Variants in PRKN observed in about 807,000 individuals in gnomAD.
PRKN encodes the protein parkin RBR E3 ubiquitin protein ligase.
A neutral mutation model predicts 59.5 loss-of-function variants in PRKN; 56 were observed. The observed-to-expected ratio is 0.94, with a 90% CI of 0.76 to 1.18. PRKN has a LOEUF of 1.18. PRKN is among the 50% of genes most tolerant of loss of function. The pLI, the probability that PRKN is intolerant of heterozygous loss-of-function variation, is 0.00. For synonymous variants in PRKN, 250 were observed against 222.1 expected (o/e 1.13, Z -1.12); for missense variants, 657 against 596.4 (o/e 1.10, Z -1.06).
At chr6:162,418,158 T>A (rs905778464) in intron 2 of PRKN, among the ~76,000 whole-genome samples, 22 of 152,110 alleles carry the variant, frequency 1.4e-4, no homozygotes, top group African/African-American at 5.1e-4. Context: ...ATACATACAA[T>A]GGAATATTAT....
At chr6:162,413,129 G>A (rs1360009120) in intron 2 of PRKN, among the ~76,000 whole-genome samples, 1 of 152,080 alleles carries the variant, frequency 6.6e-6, no homozygotes, top group Non-Finnish European at 1.5e-5. Flanking sequence ...AGACCAGTCT[G>A]GTCTGAAGCC....
At chr6:161,878,581 C>T (rs1020237797) in intron 6 of PRKN, among the ~76,000 whole-genome samples, 10 of 152,126 alleles carry the variant, frequency 6.6e-5, no homozygotes, top group East Asian at 3.9e-4. Flanking sequence ...GGGGCCATTA[C>T]GAAATGAAAA....
intron 2 of PRKN, among the ~76,000 whole-genome samples, chr6:162,309,414 C>T (rs1782375601): frequency 6.6e-6 from 1 of 152,168 alleles, no homozygotes; most frequent in Non-Finnish European, 1.5e-5. Context: ...ATCTGCATGC[C>T]TCAGCCTCCC....
At chr6:161,881,079 G>C (rs1247228638) in intron 6 of PRKN, among the ~76,000 whole-genome samples, 1 of 152,106 alleles carries the variant, frequency 6.6e-6, no homozygotes, top group South Asian at 2.1e-4. Context: ...GGGTAGAAAG[G>C]AGGGCCTCAC....
Position 161,943,534 on chromosome 6 carries a change from GTTTTTGGTAAGT to G in PRKN, c.734+29756_734+29767del, listed in dbSNP as rs1352029627. On this transcript the variant is annotated intron_variant, in intron 6 of 11. Transcript: ENST00000366898. Reference sequence around the variant, plus strand: ...AATGATTATTTTATGCTTTAAAGAAGTTTTTGGTAAGTGAATGTGGAAATCCTGAAATAAAGT... The same window carrying G: ...AATGATTATTTTATGCTTTAAAGAAGGAATGTGGAAATCCTGAAATAAAGT... Among the ~76,000 whole-genome samples, 4 of 152,340 alleles carry G rather than the reference GTTTTTGGTAAGT, an allele frequency of 2.6e-5. No individual in the cohort carries two copies. The South Asian group carries it at 8.3e-4, about 32-fold the overall frequency.
At chr6:161,509,484 C>T (rs559694222) in intron 9 of PRKN, among the ~76,000 whole-genome samples, 173 of 152,198 alleles carry the variant, frequency 1.1e-3, no homozygotes, top group Non-Finnish European at 2.0e-3. Context: ...TTGGAAGCAC[C>T]TGTGCTGTTT....
chr6:161,418,000 A>G lies in PRKN; in HGVS notation c.1084-31123T>C, dbSNP rs531385164. Among the ~76,000 whole-genome samples, 30 of 152,138 alleles carry G rather than the reference A, an allele frequency of 2.0e-4. No homozygotes were observed. Among genetic ancestry groups the G allele is most frequent in the African/African-American group, 7.2e-4 (30 of 41,488 alleles). On this transcript the variant is annotated intron_variant, in intron 9 of 11. Coordinates refer to ENST00000366898, the MANE Select transcript of PRKN (RefSeq NM_004562.3). This position sits in a 1 kb window ranked among gnomAD's most constrained non-coding sequence, Gnocchi z 5.4. ...TGGGCCTGGCCCCCAGGCCTGGCTG[A>G]CTCCATGGGGGGCCTGGCAGTATCA...
At chr6:162,559,709 T>C (rs781336056) in intron 1 of PRKN, among the ~76,000 whole-genome samples, 37 of 152,354 alleles carry the variant, frequency 2.4e-4, no homozygotes, top group African/African-American at 8.4e-4. Flanking sequence ...TCTTCTCCTA[T>C]ACATTAGTAA....
At position 162,706,945 on chromosome 6, in the gene PRKN, A is replaced by G. The variant is rs559684828; in HGVS notation, c.7+20717T>C. Among the ~76,000 whole-genome samples the G allele has an allele frequency of 2.6e-5, 4 of 152,344 alleles. No homozygotes were observed. In the South Asian group the frequency reaches 8.3e-4, roughly 32 times the overall value. ...ACAACTTCTCTTTTGTTTGGCTACC[A>G]CAAAAAGTAAAATAATCCAGATAAT... On this transcript the variant is annotated intron_variant, in intron 1 of 11. Transcript: ENST00000366898.
intron 4 of PRKN, among the ~76,000 whole-genome samples, chr6:162,123,342 A>G (rs1258006010): frequency 6.6e-6 from 1 of 152,218 alleles, no homozygotes; most frequent in Admixed American, 6.5e-5. Context: ...ACCTCCAAAC[A>G]GATTATGGCT....
chr6:162,560,071 T>C (rs886371530), intron 1 of PRKN, among the ~76,000 whole-genome samples: 1 of 152,198 alleles, frequency 6.6e-6, no homozygotes, highest in East Asian at 1.9e-4. Context: ...TCAGTTAATA[T>C]GATGACAGAA....
intron 5 of PRKN, among the ~76,000 whole-genome samples, chr6:162,039,752 T>G (rs191558110): frequency 6.6e-6 from 1 of 152,364 alleles, no homozygotes; most frequent in African/African-American, 2.4e-5. Flanking sequence ...GTTGCTAATT[T>G]GAGCCCCCTT....
At chr6:162,227,391 T>C (rs992304224) in intron 3 of PRKN, among the ~76,000 whole-genome samples, 1 of 152,180 alleles carries the variant, frequency 6.6e-6, no homozygotes, top group Non-Finnish European at 1.5e-5. Flanking sequence ...TTTTTTTCTC[T>C]CTCTACCCTT....
intron 4 of PRKN, among the ~76,000 whole-genome samples, chr6:162,070,315 T>C (rs1483846949): frequency 1.3e-5 from 2 of 152,246 alleles, no homozygotes; most frequent in Non-Finnish European, 2.9e-5. Context: ...TTCCCTCATT[T>C]TGTAATAGAA....
At chr6:161,586,187 T>C (rs905700524) in intron 7 of PRKN, among the ~76,000 whole-genome samples, 1 of 152,130 alleles carries the variant, frequency 6.6e-6, no homozygotes, top group Non-Finnish European at 1.5e-5. Context: ...AGCTAAGTTT[T>C]AAATTTTTTA....
At chr6:162,410,279 G>A (rs895269554) in intron 2 of PRKN, among the ~76,000 whole-genome samples, 1 of 151,988 alleles carries the variant, frequency 6.6e-6, no homozygotes, top group Non-Finnish European at 1.5e-5. Context: ...TTGCCCCCAT[G>A]GGGGGAAGAG....
intron 6 of PRKN, among the ~76,000 whole-genome samples, chr6:161,861,224 C>T (rs1032950243): frequency 3.3e-5 from 5 of 152,198 alleles, no homozygotes; most frequent in Admixed American, 1.3e-4. Context: ...CACATATACA[C>T]CATGGAATAC....
At chr6:162,568,302 G>T in intron 1 of PRKN, 1 of 280,346 alleles carries the variant, frequency 3.6e-6, no homozygotes, top group South Asian at 5.2e-5. Context: ...TCTGCACAGT[G>T]ACCAAGAAGC....
At chr6:162,345,202 C>T (rs1342174759) in intron 2 of PRKN, among the ~76,000 whole-genome samples, 1 of 152,174 alleles carries the variant, frequency 6.6e-6, no homozygotes, top group Non-Finnish European at 1.5e-5. Flanking sequence ...CTGTTCACTA[C>T]TGAGAAAACA....
Sources: allele counts gnomAD v4.1 joint callset (sites outside exome capture counted in the v4.1 genomes callset), GRCh38; gene constraint gnomAD v4.1.1; non-coding constraint Gnocchi (gnomAD v3.1); transcripts MANE v1.5; gene names NCBI Gene and HGNC (gene_info 2026-07-23, HGNC 2026-07-21).